The following NTNG2 variants were observed in gnomAD, a reference collection of about 807,000 sequenced individuals.
NTNG2 encodes netrin G2.
In NTNG2, 15 loss-of-function variants were observed where a neutral mutation model predicts 47.6. The observed-to-expected ratio is 0.32, with a 90% CI of 0.21 to 0.49. The LOEUF (loss-of-function observed/expected upper bound fraction) is 0.49, where lower values mean the gene tolerates loss of function less well. Ranked by LOEUF, NTNG2 falls within the 20% of genes least tolerant of loss-of-function variation. The pLI is 0.99. For missense variants in NTNG2, 578 were observed against 764.6 expected, an observed-to-expected ratio of 0.76 and a Z score of 2.88; for synonymous variants, 307 against 324.6, an observed-to-expected ratio of 0.95 and a Z score of 0.58.
intron 5 of NTNG2, among the ~76,000 whole-genome samples, chr9:132,235,214 A>G (rs1841529912): frequency 6.6e-6 from 1 of 152,194 alleles, no homozygotes; most frequent in Admixed American, 6.5e-5. Flanking sequence ...CTTCCAGGAC[A>G]CTTCTGGACA....
intron 3 of NTNG2, among the ~76,000 whole-genome samples, chr9:132,201,783 C>T (rs565442387): frequency 2.6e-5 from 4 of 152,302 alleles, no homozygotes; most frequent in African/African-American, 9.6e-5. Context: ...AATCAATAGC[C>T]GTTTAATTCC....
chr9:132,189,186 C>T (rs1837667885), intron 2 of NTNG2, among the ~76,000 whole-genome samples: 1 of 147,356 alleles, frequency 6.8e-6, no homozygotes, highest in Non-Finnish European at 1.5e-5. Context: ...AAGGGATCTT[C>T]CTATCTCAGC....
In NTNG2 at chr9:132,182,648, T is replaced by C. The variant is rs1447502005; in HGVS notation, c.214-15318T>C. The stretch of plus-strand genomic sequence containing the variant: ...AGGGGCTCAGGCATCAGCTGAGAAC[T>C]GCAGCCTTGGGTACAGAGTACGGGT... On this transcript the variant is annotated intron_variant, in intron 2 of 7. Coordinates refer to ENST00000393229, the MANE Select transcript of NTNG2 (RefSeq NM_032536.4). The surrounding 1 kb of genome is among the most constrained non-coding windows in gnomAD (Gnocchi z 4.2). Among the ~76,000 whole-genome samples the C allele has an allele frequency of 6.6e-6, 1 of 152,236 alleles. No individual in the cohort carries two copies. The highest frequency in any genetic ancestry group is 1.5e-5 in the Non-Finnish European group (1 of 68,044).
intron 1 of NTNG2, among the ~76,000 whole-genome samples, chr9:132,165,583 G>A (rs1835453289): frequency 6.6e-6 from 1 of 152,224 alleles, no homozygotes; most frequent in South Asian, 2.1e-4. Context: ...TGGTTGGCCA[G>A]CACGTGGAGC....
Position 132,239,290 on chromosome 9 carries a change from G to C in NTNG2, c.1222+19G>C. On this transcript the variant is annotated intron_variant, in intron 6 of 7. Coordinates refer to ENST00000393229, the MANE Select transcript of NTNG2 (RefSeq NM_032536.4). ...TGCATTGGTGAGAGGGCACGGACAC[G>C]GCACAGGGAACTTGCTGGAATGCGT... 6.2e-7 allele frequency: 1 copy of C among 1,612,942 alleles called. No individual in the cohort carries two copies. The highest frequency in any genetic ancestry group is 8.5e-7 in the Non-Finnish European group (1 of 1,179,896).
intron 4 of NTNG2, among the ~76,000 whole-genome samples, chr9:132,227,371 A>T (rs1284362221): frequency 1.3e-5 from 2 of 152,206 alleles, no homozygotes; most frequent in African/African-American, 2.4e-5. Flanking sequence ...CCACAGGGAA[A>T]CCCGAGAGGA....
At chr9:132,178,544 G>A (rs76379008) in intron 2 of NTNG2, among the ~76,000 whole-genome samples, 1,686 of 152,114 alleles carry the variant, frequency 0.011, 28 homozygotes, top group African/African-American at 0.037. Context: ...CCAGGAAAGG[G>A]GACCCCAGAA....
At position 132,195,563 on chromosome 9, in the gene NTNG2, G is replaced by A. The variant is rs188750038; in HGVS notation, c.214-2403G>A. 6.5e-4 allele frequency among the ~76,000 whole-genome samples: 93 copies of A among 144,118 alleles called. 3 individuals carry two copies. The highest frequency in any genetic ancestry group is 6.1e-3 in the Admixed American group (83 of 13,716). 94.5% of individuals were successfully genotyped at this position (144,118 alleles called of 152,430 possible). ...AGGATGGTGTTGATCTCCTGACCTCGTGATCCACCCGCCTCGGCCTCCCAA... is the reference window on the plus strand; with the variant it reads ...AGGATGGTGTTGATCTCCTGACCTCATGATCCACCCGCCTCGGCCTCCCAA... On this transcript the variant is annotated intron_variant, in intron 2 of 7. Transcript: ENST00000393229.
chr9:132,241,621 C>A, intron 7 of NTNG2: 1 of 497,864 alleles, frequency 2.0e-6, no homozygotes, highest in Non-Finnish European at 3.6e-6. Flanking sequence ...AGACTGCAGG[C>A]GCGTCTGAAG....
rs925065330 is a variant in NTNG2 at position 132,215,023 on chromosome 9, C to T, written c.858-11826C>T. Among the ~76,000 whole-genome samples the T allele has an allele frequency of 6.6e-6, 1 of 151,270 alleles. No individual in the cohort carries two copies. On this transcript the variant is annotated intron_variant, in intron 3 of 7. Coordinates refer to ENST00000393229, the MANE Select transcript of NTNG2 (RefSeq NM_032536.4). This position sits in a 1 kb window ranked among gnomAD's most constrained non-coding sequence, Gnocchi z 4.2. ...TCCGAAGTAGCTAAGATGACAGGTG[C>T]TCACCACCATGCCCTGATAAATTTT...
rs112179857 is a variant in NTNG2 at position 132,162,555 on chromosome 9, T to TGTGTGTGTGTGAGA, written c.-484+317_-484+318insTGTGTGTGTGAGAG. Among the ~76,000 whole-genome samples, 12 of 139,472 alleles carry TGTGTGTGTGTGAGA rather than the reference T, an allele frequency of 8.6e-5. No homozygotes were observed. In the East Asian group the frequency reaches 1.5e-3, roughly 18 times the overall value. The allele number at this position is 139,472 out of a possible 152,430, so 91.5% of individuals were successfully genotyped here. On this transcript the variant is annotated intron_variant, in intron 1 of 7. Coordinates refer to ENST00000393229, the MANE Select transcript of NTNG2 (RefSeq NM_032536.4). This position sits in a 1 kb window ranked among gnomAD's most constrained non-coding sequence, Gnocchi z 4.6. ...GTGAGAGTGTGTGTGTGTGTGTGTG[T>TGTGTGTGTGTGAGA]GAGAGAGAGACAGAGTGTGTGTGTG...
chr9:132,211,899 C>T (rs1472002838), intron 3 of NTNG2, among the ~76,000 whole-genome samples: 3 of 152,204 alleles, frequency 2.0e-5, no homozygotes, highest in Non-Finnish European at 2.9e-5. Flanking sequence ...GGTAGGCGTG[C>T]TGTATATGTG....
rs772776915 is a variant in NTNG2, at chr9:132,231,521, G to A, written c.1054+926G>A. 152 of 354,680 alleles carry A rather than the reference G, an allele frequency of 4.3e-4. No homozygotes were observed. Among genetic ancestry groups the A allele is most frequent in the East Asian group, 4.1e-4 (5 of 12,244 alleles). 22.0% of individuals were successfully genotyped at this position (354,680 alleles called of 1,614,324 possible). A position where few individuals can be genotyped will look rare whatever the true frequency, so the allele number is the denominator to read the frequency against. On this transcript the variant is annotated intron_variant, in intron 5 of 7. Coordinates refer to ENST00000393229, the MANE Select transcript of NTNG2 (RefSeq NM_032536.4). The surrounding 1 kb of genome is among the most constrained non-coding windows in gnomAD (Gnocchi z 4.1). ...TGGGAAGCCAGTGAGCCGAGAGGGCGCCAGAAAGAAGCTGGACCCTGCAGG... is the reference window on the plus strand; with the variant it reads ...TGGGAAGCCAGTGAGCCGAGAGGGCACCAGAAAGAAGCTGGACCCTGCAGG...
rs1838379792 is a variant in NTNG2 at position 132,197,212 on chromosome 9, A to C, written c.214-754A>C. 6.6e-6 allele frequency among the ~76,000 whole-genome samples: 1 copy of C among 152,178 alleles called. No individual in the cohort carries two copies. The highest frequency in any genetic ancestry group is 6.5e-5 in the Admixed American group (1 of 15,288). ...GAGACCAGCCTGGCCAACATGGCGA[A>C]ACCCTGTCTCTACTAAAAACACAAA... On this transcript the variant is annotated intron_variant, in intron 2 of 7. Transcript: ENST00000393229. This position sits in a 1 kb window ranked among gnomAD's most constrained non-coding sequence, Gnocchi z 4.3.
intron 2 of NTNG2, among the ~76,000 whole-genome samples, chr9:132,196,741 C>T (rs949028164): frequency 1.3e-5 from 2 of 152,126 alleles, no homozygotes; most frequent in South Asian, 2.1e-4. Context: ...ACTGGGTGTC[C>T]GATGATTCCG....
rs771529834 is a variant in NTNG2 at position 132,198,617 on chromosome 9, C to T, written c.857+8C>T. ...CATCGAGGTCATCGGCAGGTAAGGC[C>T]GGGGGAAGCCCTGGATGTCACCTGC... is the stretch of plus-strand genomic sequence containing the variant. On this transcript the variant is annotated splice_region_variant and intron_variant, in intron 3 of 7. Coordinates refer to ENST00000393229, the MANE Select transcript of NTNG2 (RefSeq NM_032536.4). 5 of 1,601,516 alleles carry T rather than the reference C, an allele frequency of 3.1e-6. No individual in the cohort carries two copies. The highest frequency in any genetic ancestry group is 1.1e-5 in the South Asian group (1 of 90,340).
At position 132,236,839 on chromosome 9, in the gene NTNG2, G is replaced by A. The variant is rs1322391640; in HGVS notation, c.1055-2265G>A. Among the ~76,000 whole-genome samples the A allele has an allele frequency of 2.0e-5, 3 of 152,212 alleles. No individual in the cohort carries two copies. Among genetic ancestry groups the A allele is most frequent in the Non-Finnish European group, 2.9e-5 (2 of 68,038 alleles). On this transcript the variant is annotated intron_variant, in intron 5 of 7. Coordinates refer to ENST00000393229, the MANE Select transcript of NTNG2 (RefSeq NM_032536.4). The surrounding 1 kb of genome is among the most constrained non-coding windows in gnomAD (Gnocchi z 4.3). ...GGGCAGTGGAAGGCAGGTGCCGTCCGTGTTCCTGGCTTGACAGCACTTGCG... is the reference window on the plus strand; with the variant it reads ...GGGCAGTGGAAGGCAGGTGCCGTCCATGTTCCTGGCTTGACAGCACTTGCG...
chr9:132,205,326 G>T (rs1468453008), intron 3 of NTNG2, among the ~76,000 whole-genome samples: 1 of 152,176 alleles, frequency 6.6e-6, no homozygotes, highest in African/African-American at 2.4e-5. Flanking sequence ...TGAACCCTGA[G>T]GACATGATGC....
chr9:132,239,039 C>G, intron 5 of NTNG2, 65 bp from the exon 6 acceptor site: 1 of 1,541,848 alleles, frequency 6.5e-7, no homozygotes, highest in Non-Finnish European at 9.0e-7. Context: ...TCCTTCCTCG[C>G]CCTGTCCCTC....
Sources: gnomAD v4.1 joint callset for allele counts (sites outside exome capture counted in the v4.1 genomes callset) on GRCh38, gnomAD v4.1.1 for gene constraint, Gnocchi (gnomAD v3.1) non-coding constraint, MANE v1.5 for transcripts, NCBI Gene and HGNC (gene_info 2026-07-23, HGNC 2026-07-21) for gene names.